Variants in OSBPL6 observed in about 807,000 individuals in gnomAD.
The protein encoded by OSBPL6 is oxysterol binding protein like 6.
OSBPL6 carries 49 observed loss-of-function variants against 125.8 expected under a neutral mutation model. The observed-to-expected ratio is 0.39, with a 90% CI of 0.31 to 0.49. OSBPL6 has a LOEUF of 0.49. Among genes scored for constraint, OSBPL6 ranks in the 20% least tolerant of loss-of-function variants. The pLI is 0.88. For synonymous variants in OSBPL6, 394 were observed against 391.8 expected (o/e 1.01, Z -0.07); for missense variants, 986 against 1,135.4 (o/e 0.87, Z 1.89).
Position 178,375,954 on chromosome 2 carries a change from C to T in OSBPL6, c.1533+1927C>T, listed in dbSNP as rs76838812. 7.3e-3 allele frequency among the ~76,000 whole-genome samples: 1,117 copies of T among 152,200 alleles called. 16 individuals are homozygous for T. The highest frequency in any genetic ancestry group is 0.026 in the African/African-American group (1,069 of 41,516). On this transcript the variant is annotated intron_variant, in intron 15 of 24. Transcript: ENST00000190611. ...GTCCAAGCAAGATGGTGGTGCCACC[C>T]TGGGACAGGTGAGGGGTTGGGGAGT...
intron 1 of OSBPL6, among the ~76,000 whole-genome samples, chr2:178,197,665 T>C (rs976305650): frequency 3.9e-5 from 6 of 152,184 alleles, no homozygotes; most frequent in Non-Finnish European, 8.8e-5. Flanking sequence ...TAAAAAGTTA[T>C]GTAAATGTGG....
At chr2:178,318,131 C>T (rs917624183) in intron 3 of OSBPL6, among the ~76,000 whole-genome samples, 6 of 152,196 alleles carry the variant, frequency 3.9e-5, no homozygotes, top group Non-Finnish European at 5.9e-5. Flanking sequence ...TGTTTATTCC[C>T]ATACCTTTTA....
At chr2:178,333,151 G>A (rs12473890) in intron 8 of OSBPL6, 110 bp downstream of exon 8, 194,065 of 1,196,064 alleles carry the variant, frequency 0.16, 17,052 homozygotes, top group Admixed American at 0.26. Context: ...GGGAGGCCAA[G>A]GCGGGTGGAT....
intron 1 of OSBPL6, among the ~76,000 whole-genome samples, chr2:178,261,946 C>G (rs2092078883): frequency 6.6e-6 from 1 of 152,194 alleles, no homozygotes; most frequent in African/African-American, 2.4e-5. Context: ...CCTTTATAGT[C>G]AGATGAGAGC....
intron 12 of OSBPL6, among the ~76,000 whole-genome samples, chr2:178,357,067 C>T (rs1187950280): frequency 2.0e-5 from 3 of 152,180 alleles, no homozygotes; most frequent in Admixed American, 1.3e-4. Flanking sequence ...CCCTTCCTTA[C>T]ACCTTATACA....
At position 178,349,291 on chromosome 2, in the gene OSBPL6, T is replaced by G. The variant is rs1691013175; in HGVS notation, c.1055T>G (p.Ile352Ser). ...TCCAACCCCAACCTTTGTGCAGATA[T>G]TGAATTTCAGACTCCCCCTAGCCAC... The part of the protein sequence containing the change: ...HSSNPNLCAD[I>S]EFQTPPSHLT... The change falls in exon 12 of 25, where the codon ATT becomes AGT. Residue 352 changes from isoleucine to serine, a missense_variant. Around this residue, in one of 3 missense-constraint regions of OSBPL6, gnomAD observed 843 missense variants for 997.3 expected, o/e 0.85. Transcript: ENST00000190611. The G allele has an allele frequency of 6.2e-7, 1 of 1,614,130 alleles. No individual in the cohort carries two copies. The highest frequency in any genetic ancestry group is 8.5e-7 in the Non-Finnish European group (1 of 1,179,964).
intron 1 of OSBPL6, among the ~76,000 whole-genome samples, chr2:178,237,416 TCAAA>T (rs1219679046): frequency 6.6e-6 from 1 of 152,178 alleles, no homozygotes; most frequent in Non-Finnish European, 1.5e-5. Context: ...TCCTCCTGTT[TCAAA>T]CAATTTGAAA....
rs994595703 is a variant in OSBPL6, at chr2:178,396,222, A to T, written c.*663A>T. 6.2e-6 allele frequency: 1 copy of T among 160,208 alleles called. No homozygotes were observed. The highest frequency in any genetic ancestry group is 1.7e-4 in the South Asian group (1 of 5,780). 9.9% of individuals were successfully genotyped at this position (160,208 alleles called of 1,614,324 possible). ...CATGATTCACTTTCTCAATCAGGAC[A>T]ATTATGAGACTAACTTAAATGGGTT... On this transcript the variant is annotated 3_prime_UTR_variant, in exon 25 of 25. Transcript: ENST00000190611.
intron 3 of OSBPL6, among the ~76,000 whole-genome samples, chr2:178,319,684 C>T (rs1008809992): frequency 6.6e-6 from 1 of 152,212 alleles, no homozygotes; most frequent in Admixed American, 6.5e-5. Flanking sequence ...TAACTATTAA[C>T]TGCCATTGTC....
intron 1 of OSBPL6, among the ~76,000 whole-genome samples, chr2:178,279,602 G>T (rs1158568520): frequency 2.0e-5 from 3 of 152,192 alleles, no homozygotes; most frequent in African/African-American, 4.8e-5. Context: ...GATTCCTATT[G>T]TGAATGTGTT....
chr2:178,394,377 A>G lies in OSBPL6; in HGVS notation c.2638A>G (p.Arg880Gly). 6.2e-7 allele frequency: 1 copy of G among 1,613,548 alleles called. No homozygotes were observed. The highest frequency in any genetic ancestry group is 8.5e-7 in the Non-Finnish European group (1 of 1,179,770). Residue 880 changes from arginine (R) to glycine (G), a missense_variant, in exon 24 of 25, where the codon AGA (arginine) becomes GGA (glycine). By Grantham distance (125) the Arg-to-Gly change is moderately radical (BLOSUM62 -2). Coordinates refer to ENST00000190611, the MANE Select transcript of OSBPL6 (RefSeq NM_032523.4). ...GAAGCAAAGAGTAGAGGAACTCCAG[A>G]GATCTCGGAGACGATATATGGAAGA... The part of the protein sequence containing the change: ...SEKQRVEELQ[R>G]SRRRYMEENN...
intron 1 of OSBPL6, among the ~76,000 whole-genome samples, chr2:178,254,553 TA>T (rs371559669): frequency 6.6e-6 from 1 of 152,212 alleles, no homozygotes; most frequent in African/African-American, 2.4e-5. Flanking sequence ...AAATGTATAC[TA>T]AAAAATGACT....
intron 13 of OSBPL6, among the ~76,000 whole-genome samples, chr2:178,369,404 C>G (rs1217359700): frequency 1.3e-5 from 2 of 152,182 alleles, no homozygotes; most frequent in African/African-American, 2.4e-5. Context: ...TATTTTTGCA[C>G]TATTCTGGAC....
At chr2:178,349,799 G>C (rs1691073582) in intron 12 of OSBPL6, among the ~76,000 whole-genome samples, 1 of 152,190 alleles carries the variant, frequency 6.6e-6, no homozygotes, top group South Asian at 2.1e-4. Context: ...AATTCAGGCA[G>C]GGCTCAGCTA....
chr2:178,328,887 AT>A (rs762912039), intron 5 of OSBPL6, among the ~76,000 whole-genome samples: 11 of 152,298 alleles, frequency 7.2e-5, no homozygotes, highest in Admixed American at 2.6e-4. Context: ...AGGGAAAAAA[AT>A]ATGTGATATT....
chr2:178,265,191 CTTTTTTTTTTTTTTTTTTTTTTTTT>C (rs376718500), intron 1 of OSBPL6, among the ~76,000 whole-genome samples: 32 of 33,732 alleles, frequency 9.5e-4, no homozygotes, highest in East Asian at 6.8e-3. Context: ...CCAGACGAGA[CTTTTTTTTTTTTTTTTTTTTTTTTT>C]TTTTTTTTTT....
At chr2:178,382,140 C>A (rs1694538199) in intron 15 of OSBPL6, among the ~76,000 whole-genome samples, 1 of 152,160 alleles carries the variant, frequency 6.6e-6, no homozygotes, top group African/African-American at 2.4e-5. Flanking sequence ...CTGAAACATT[C>A]TTAGTGTATT....
intron 12 of OSBPL6, among the ~76,000 whole-genome samples, chr2:178,356,177 C>T (rs1448003317): frequency 2.0e-5 from 3 of 152,172 alleles, no homozygotes; most frequent in African/African-American, 7.2e-5. Flanking sequence ...AAAACCAGCA[C>T]AAGACACAGA....
intron 1 of OSBPL6, among the ~76,000 whole-genome samples, chr2:178,234,478 A>G (rs1176221880): frequency 1.3e-5 from 2 of 152,196 alleles, no homozygotes; most frequent in Non-Finnish European, 2.9e-5. Flanking sequence ...ATTCACAGGA[A>G]GTTGCCCAAA....
Sources: gnomAD v4.1 joint callset for allele counts (sites outside exome capture counted in the v4.1 genomes callset) on GRCh38, gnomAD v4.1.1 for gene constraint, gnomAD v4.1.1 regional missense constraint, MANE v1.5 for transcripts, NCBI Gene and HGNC (gene_info 2026-07-23, HGNC 2026-07-21) for gene names.